The following ZC3H12C variants were observed in gnomAD, a reference collection of about 807,000 sequenced individuals.
ZC3H12C encodes probable ribonuclease ZC3H12C.
In ZC3H12C, 20 loss-of-function variants were observed where a neutral mutation model predicts 76.3. The observed-to-expected ratio is 0.26, with a 90% CI of 0.18 to 0.38. The LOEUF is 0.38. Ranked by LOEUF, ZC3H12C falls within the 10% of genes least tolerant of loss-of-function variation. The pLI, the probability that ZC3H12C is intolerant of heterozygous loss-of-function variation, is 1.00. For synonymous variants in ZC3H12C, 352 were observed against 399.6 expected (o/e 0.88, Z 1.42); for missense variants, 874 against 1,086.5 (o/e 0.80, Z 2.75).
chr11:110,170,352 C>G lies in ZC3H12C; in HGVS notation c.*4615C>G, dbSNP rs1319583001. 6.6e-6 allele frequency: 1 copy of G among 152,072 alleles called. No individual in the cohort carries two copies. The highest frequency in any genetic ancestry group is 1.9e-4 in the East Asian group (1 of 5,198). The allele number at this position is 152,072 out of a possible 1,614,324, so 9.4% of individuals were successfully genotyped here. On this transcript the variant is annotated 3_prime_UTR_variant, in exon 6 of 6. Transcript: ENST00000278590. ...AAATCTGTTGCAGCATTTAATTAGC[C>G]ACAGATACATTTTGGCTGCATTTAC...
intron 5 of ZC3H12C, among the ~76,000 whole-genome samples, chr11:110,163,680 G>A (rs141034191): frequency 9.7e-4 from 147 of 152,280 alleles, no homozygotes; most frequent in Middle Eastern, 3.4e-3. Context: ...AATCAGATGA[G>A]CATGGTTCTA....
intron 1 of ZC3H12C, among the ~76,000 whole-genome samples, chr11:110,106,481 G>C (rs1434699265): frequency 2.0e-5 from 3 of 152,160 alleles, no homozygotes; most frequent in Non-Finnish European, 4.4e-5. Flanking sequence ...TGTGACACTT[G>C]GGGGTTATGT....
chr11:110,146,049 C>G (rs1862161870), intron 2 of ZC3H12C, among the ~76,000 whole-genome samples: 1 of 152,140 alleles, frequency 6.6e-6, no homozygotes, highest in South Asian at 2.1e-4. Context: ...TGCTGTGGCG[C>G]GATCTCGGCT....
At chr11:110,147,850 C>T (rs1259234038) in intron 2 of ZC3H12C, among the ~76,000 whole-genome samples, 1 of 152,128 alleles carries the variant, frequency 6.6e-6, no homozygotes, top group African/African-American at 2.4e-5. Flanking sequence ...CTGTGTTTTG[C>T]ATGTTCTGTT....
chr11:110,139,549 T>C (rs1481316408), intron 2 of ZC3H12C, among the ~76,000 whole-genome samples: 2 of 152,190 alleles, frequency 1.3e-5, no homozygotes, highest in African/African-American at 2.4e-5. Context: ...GGAATGCTCA[T>C]AGGGCTTTGA....
At chr11:110,144,682 G>A (rs1450838239) in intron 2 of ZC3H12C, among the ~76,000 whole-genome samples, 1 of 152,060 alleles carries the variant, frequency 6.6e-6, no homozygotes, top group Non-Finnish European at 1.5e-5. Flanking sequence ...AATTTCCAAG[G>A]TTTTTAACAA....
At chr11:110,132,581 C>G (rs1861887001) in intron 1 of ZC3H12C, among the ~76,000 whole-genome samples, 1 of 152,134 alleles carries the variant, frequency 6.6e-6, no homozygotes, top group Admixed American at 6.6e-5. Flanking sequence ...TCACAAATCA[C>G]TATATATTTG....
chr11:110,110,709 T>C (rs1591460680), intron 1 of ZC3H12C, among the ~76,000 whole-genome samples: 1 of 73,004 alleles, frequency 1.4e-5, no homozygotes, highest in South Asian at 3.4e-4. Flanking sequence ...TAGTGTTCTG[T>C]CACTTCTGAG....
intron 1 of ZC3H12C, among the ~76,000 whole-genome samples, chr11:110,128,979 T>G (rs1861810509): frequency 6.6e-6 from 1 of 151,986 alleles, no homozygotes. Context: ...TTGAATTCTG[T>G]GTAATTTACA....
At chr11:110,123,763 A>AT (rs1287787638) in intron 1 of ZC3H12C, among the ~76,000 whole-genome samples, 8 of 152,170 alleles carry the variant, frequency 5.3e-5, no homozygotes, top group African/African-American at 1.9e-4. Context: ...ATTCTTGAGT[A>AT]TTGTTGGAGT....
chr11:110,115,847 G>A (rs1259201615), intron 1 of ZC3H12C, among the ~76,000 whole-genome samples: 1 of 146,484 alleles, frequency 6.8e-6, no homozygotes. Flanking sequence ...TGCAACCTTC[G>A]CCTCCTGGGT....
intron 1 of ZC3H12C, among the ~76,000 whole-genome samples, chr11:110,109,352 G>A (rs1402398335): frequency 2.0e-5 from 3 of 152,098 alleles, no homozygotes; most frequent in Non-Finnish European, 4.4e-5. Context: ...CTCTTCCCAA[G>A]TCAGCTTTGA....
chr11:110,131,163 G>C, intron 1 of ZC3H12C: 2 of 1,309,752 alleles, frequency 1.5e-6, no homozygotes, highest in South Asian at 2.5e-5. Context: ...AATATTCAGA[G>C]TATTAATTTG....
chr11:110,112,999 C>A (rs936114430), intron 1 of ZC3H12C, among the ~76,000 whole-genome samples: 12 of 151,462 alleles, frequency 7.9e-5, no homozygotes, highest in African/African-American at 2.9e-4. Context: ...TCGCCCCCCC[C>A]TACCAAAAAA....
intron 1 of ZC3H12C, among the ~76,000 whole-genome samples, chr11:110,115,996 G>T (rs1861521433): frequency 6.6e-6 from 1 of 151,988 alleles, no homozygotes; most frequent in Admixed American, 6.6e-5. Flanking sequence ...CTGACCTCAG[G>T]TGATCCATCT....
At chr11:110,155,573 C>T (rs1348360554) in intron 3 of ZC3H12C, among the ~76,000 whole-genome samples, 1 of 151,574 alleles carries the variant, frequency 6.6e-6, no homozygotes. Flanking sequence ...AAGAATGGTT[C>T]AATTAGGAGG....
Position 110,137,268 on chromosome 11 carries a change from T to C in ZC3H12C, c.627T>C (p.Asp209=), listed in dbSNP as rs1425187260. ...LVKLGNKSEA[D]QTVSTINTIT... is the part of the protein sequence containing the mutation. ...AACTTGGAAATAAAAGTGAGGCTGA[T>C]CAAACGGTTAGTACAATTAACACTA... is the stretch of plus-strand genomic sequence containing the variant. Residue 209 remains aspartate (D), a synonymous_variant, in exon 2 of 6, where the codon GAT becomes GAC. Transcript: ENST00000278590. 6.2e-7 allele frequency: 1 copy of C among 1,613,948 alleles called. No individual in the cohort carries two copies. Among genetic ancestry groups the C allele is most frequent in the East Asian group, 2.2e-5 (1 of 44,874 alleles).
intron 1 of ZC3H12C, among the ~76,000 whole-genome samples, chr11:110,120,744 ATT>A (rs932783865): frequency 6.6e-6 from 1 of 152,206 alleles, no homozygotes; most frequent in African/African-American, 2.4e-5. Context: ...GCTGTGTGTC[ATT>A]TTTCAATCAC....
At chr11:110,118,337 T>G (rs1861598104) in intron 1 of ZC3H12C, among the ~76,000 whole-genome samples, 1 of 151,984 alleles carries the variant, frequency 6.6e-6, no homozygotes, top group African/African-American at 2.4e-5. Context: ...AACACTACCA[T>G]TAAGAATTCA....
Sources: gnomAD v4.1 joint callset for allele counts (sites outside exome capture counted in the v4.1 genomes callset) on GRCh38, gnomAD v4.1.1 for gene constraint, MANE v1.5 for transcripts, NCBI Gene and HGNC (gene_info 2026-07-23, HGNC 2026-07-21) for gene names.